Variants in SLX4IP observed in about 807,000 individuals in gnomAD.
SLX4IP encodes the protein protein SLX4IP.
A neutral mutation model predicts 32.9 loss-of-function variants in SLX4IP; 34 were observed. The observed-to-expected ratio is 1.03, with a 90% CI of 0.79 to 1.38. The LOEUF is 1.38. Ranked by LOEUF, SLX4IP falls within the 40% of genes most tolerant of loss-of-function variation. The pLI is 0.00. For synonymous variants in SLX4IP, 172 were observed against 171.7 expected (o/e 1.00, Z -0.01); for missense variants, 444 against 479.0 (o/e 0.93, Z 0.68).
At chr20:10,598,067 A>G (rs1008107936) in intron 4 of SLX4IP, among the ~76,000 whole-genome samples, 1 of 152,206 alleles carries the variant, frequency 6.6e-6, no homozygotes, top group Non-Finnish European at 1.5e-5. Context: ...GCTAAGATCT[A>G]TTCGCAAGCT....
chr20:10,538,838 T>C (rs1361996335), intron 2 of SLX4IP, among the ~76,000 whole-genome samples: 1 of 152,212 alleles, frequency 6.6e-6, no homozygotes, highest in Admixed American at 6.5e-5. Context: ...TCTTTGGCTG[T>C]ATTATTTTGA....
At chr20:10,488,080 C>G (rs920029622) in intron 2 of SLX4IP, among the ~76,000 whole-genome samples, 1 of 150,646 alleles carries the variant, frequency 6.6e-6, no homozygotes, top group African/African-American at 2.4e-5. Flanking sequence ...GGTTCTCTCC[C>G]CAGGTCCCAA....
In SLX4IP at chr20:10,488,758, A is replaced by C. The variant is rs2065594918; in HGVS notation, c.27+30527A>C. 2.6e-5 allele frequency among the ~76,000 whole-genome samples: 4 copies of C among 152,208 alleles called. No individual in the cohort carries two copies. In the South Asian group the frequency reaches 8.3e-4, roughly 32 times the overall value. ...TTCTTAATATAGCTAAAATAAGCAAAGAATATGTTTTTTTCAGTTCCCAAT... is the reference window on the plus strand; with the variant it reads ...TTCTTAATATAGCTAAAATAAGCAACGAATATGTTTTTTTCAGTTCCCAAT... On this transcript the variant is annotated intron_variant, in intron 2 of 7. Transcript: ENST00000334534.
intron 4 of SLX4IP, among the ~76,000 whole-genome samples, chr20:10,595,101 G>C (rs964435637): frequency 6.6e-6 from 1 of 152,054 alleles, no homozygotes; most frequent in African/African-American, 2.4e-5. Flanking sequence ...GGGCTGCTTG[G>C]AGGCCAGGGG....
chr20:10,472,729 A>G (rs917061067), intron 2 of SLX4IP, among the ~76,000 whole-genome samples: 1 of 152,136 alleles, frequency 6.6e-6, no homozygotes, highest in African/African-American at 2.4e-5. Context: ...ATTAATGTTA[A>G]CTCACTTCTA....
chr20:10,625,076 C>T lies in SLX4IP; in HGVS notation c.*1697C>T, dbSNP rs2067157903. The stretch of plus-strand genomic sequence containing the variant: ...TTCTATAGGAGAAGAGGGAGCCCAA[C>T]AGAATACTAACTTCAGTGGAGCTGA... On this transcript the variant is annotated 3_prime_UTR_variant, in exon 8 of 8. Transcript: ENST00000334534. The T allele has an allele frequency of 6.6e-6, 1 of 152,220 alleles. No individual in the cohort carries two copies. Among genetic ancestry groups the T allele is most frequent in the Admixed American group, 6.5e-5 (1 of 15,272 alleles). 9.4% of individuals were successfully genotyped at this position (152,220 alleles called of 1,614,324 possible).
At chr20:10,561,283 A>T (rs2066329437) in intron 4 of SLX4IP, among the ~76,000 whole-genome samples, 1 of 152,030 alleles carries the variant, frequency 6.6e-6, no homozygotes, top group African/African-American at 2.4e-5. Context: ...CAATAAATTA[A>T]TGTTAACCAT....
At chr20:10,555,365 CAT>C (rs202082442) in intron 2 of SLX4IP, among the ~76,000 whole-genome samples, 1,634 of 152,258 alleles carry the variant, frequency 0.011, 31 homozygotes, top group African/African-American at 0.037. Context: ...TTACTTCACT[CAT>C]ATGTGAGGAT....
At chr20:10,545,388 C>G (rs1183342468) in intron 2 of SLX4IP, among the ~76,000 whole-genome samples, 1 of 152,160 alleles carries the variant, frequency 6.6e-6, no homozygotes, top group Non-Finnish European at 1.5e-5. Flanking sequence ...AAAGGTCACA[C>G]TTAGCCCTAT....
intron 2 of SLX4IP, among the ~76,000 whole-genome samples, chr20:10,539,366 A>C (rs759431740): frequency 6.6e-6 from 1 of 152,228 alleles, no homozygotes; most frequent in Non-Finnish European, 1.5e-5. Flanking sequence ...AAGGGATTAG[A>C]AGATTTATCA....
At chr20:10,527,371 G>A (rs1347349263) in intron 2 of SLX4IP, among the ~76,000 whole-genome samples, 2 of 152,214 alleles carry the variant, frequency 1.3e-5, no homozygotes, top group African/African-American at 4.8e-5. Context: ...GAGGGGACTA[G>A]TCAGAAGGCA....
At chr20:10,559,177 A>G (rs932987645) in intron 3 of SLX4IP, among the ~76,000 whole-genome samples, 1 of 152,074 alleles carries the variant, frequency 6.6e-6, no homozygotes, top group African/African-American at 2.4e-5. Context: ...TGTTGTGTGA[A>G]CAATGCCGAA....
chr20:10,590,387 G>A (rs1206273540), intron 4 of SLX4IP, among the ~76,000 whole-genome samples: 1 of 151,780 alleles, frequency 6.6e-6, no homozygotes, highest in Non-Finnish European at 1.5e-5. Context: ...TAGAGACAGA[G>A]TCTTGCTCTG....
intron 6 of SLX4IP, among the ~76,000 whole-genome samples, chr20:10,605,170 T>C (rs558806043): frequency 1.3e-5 from 2 of 152,344 alleles, no homozygotes; most frequent in Admixed American, 1.3e-4. Flanking sequence ...ACTCTGTATA[T>C]ATCTGGGACA....
At chr20:10,443,735 A>G (rs767683674) in intron 1 of SLX4IP, among the ~76,000 whole-genome samples, 3 of 152,114 alleles carry the variant, frequency 2.0e-5, no homozygotes, top group Non-Finnish European at 4.4e-5. Context: ...TGTAACCCCC[A>G]GTGTTGGAGG....
intron 1 of SLX4IP, among the ~76,000 whole-genome samples, chr20:10,437,348 G>C (rs559616076): frequency 6.6e-6 from 1 of 152,228 alleles, no homozygotes; most frequent in South Asian, 2.1e-4. Flanking sequence ...TTGGCTGCAC[G>C]TAACAATCAC....
intron 2 of SLX4IP, among the ~76,000 whole-genome samples, chr20:10,528,398 C>A (rs1198114678): frequency 6.6e-6 from 1 of 152,068 alleles, no homozygotes; most frequent in Non-Finnish European, 1.5e-5. Context: ...GGGATTTGCA[C>A]CTTTCACAGT....
intron 4 of SLX4IP, among the ~76,000 whole-genome samples, chr20:10,581,074 G>T (rs1350196488): frequency 6.6e-6 from 1 of 152,064 alleles, no homozygotes; most frequent in Non-Finnish European, 1.5e-5. Flanking sequence ...GAAAAGCTGT[G>T]TTGAGGAGAG....
At chr20:10,613,797 A>G in intron 6 of SLX4IP, 2 of 1,613,336 alleles carry the variant, frequency 1.2e-6, no homozygotes, top group Non-Finnish European at 1.7e-6. Flanking sequence ...GATCTGATCC[A>G]TGTCACCCTT....
Sources: gnomAD v4.1 joint callset for allele counts (sites outside exome capture counted in the v4.1 genomes callset) on GRCh38, gnomAD v4.1.1 for gene constraint, MANE v1.5 for transcripts, NCBI Gene and HGNC (gene_info 2026-07-23, HGNC 2026-07-21) for gene names.